ITGBL1: variants seen among roughly 807,000 people sequenced by gnomAD.
ITGBL1 encodes the protein integrin beta-like protein 1.
A neutral mutation model predicts 68.5 loss-of-function variants in ITGBL1; 51 were observed. That is an observed-to-expected ratio of 0.74 (90% CI 0.59 to 0.94). The LOEUF is 0.94. Among genes scored for constraint, ITGBL1 ranks in the 40% least tolerant of loss-of-function variants. The probability of loss-of-function intolerance (pLI) is 0.00; values close to 1 mark genes in which losing one functional copy is unlikely to be tolerated. For missense variants in ITGBL1, 649 were observed against 647.4 expected, an observed-to-expected ratio of 1.00 and a Z score of -0.03; for synonymous variants, 209 against 227.3, an observed-to-expected ratio of 0.92 and a Z score of 0.72.
intron 7 of ITGBL1, among the ~76,000 whole-genome samples, chr13:101,628,514 C>T (rs1334410246): frequency 6.6e-6 from 1 of 151,502 alleles, no homozygotes; most frequent in Non-Finnish European, 1.5e-5. Context: ...CTCACTGCAA[C>T]CTCTGCCTCC....
intron 7 of ITGBL1, among the ~76,000 whole-genome samples, chr13:101,630,531 A>G (rs2031942682): frequency 6.6e-6 from 1 of 152,192 alleles, no homozygotes; most frequent in Non-Finnish European, 1.5e-5. Context: ...TACAAAATGT[A>G]TACTTCAATG....
At chr13:101,649,952 C>G (rs1230451268) in intron 7 of ITGBL1, among the ~76,000 whole-genome samples, 1 of 152,104 alleles carries the variant, frequency 6.6e-6, no homozygotes, top group East Asian at 1.9e-4. Flanking sequence ...CACATTCTTA[C>G]CACCTTGAGT....
Position 101,659,904 on chromosome 13 carries a change from A to T in ITGBL1, c.1016-32681A>T, listed in dbSNP as rs145078692. Among the ~76,000 whole-genome samples the T allele has an allele frequency of 1.9e-4, 29 of 152,324 alleles. No homozygotes were observed. The Middle Eastern group carries it at 0.014, about 71-fold the overall frequency. On this transcript the variant is annotated intron_variant, in intron 7 of 10. Transcript: ENST00000376180. ...TGCAACTCAGCCTCAGATGAGCTCAATCACTCACAGAATTAATTAAGGTAA... is the reference window on the plus strand; with the variant it reads ...TGCAACTCAGCCTCAGATGAGCTCATTCACTCACAGAATTAATTAAGGTAA...
intron 7 of ITGBL1, among the ~76,000 whole-genome samples, chr13:101,632,145 C>CTATATA (rs1398303688): frequency 6.7e-6 from 1 of 149,454 alleles, no homozygotes; most frequent in Admixed American, 6.6e-5. Context: ...CTCTCTCTCT[C>CTATATA]TCTCTATATA....
At chr13:101,705,060 C>T (rs1332908189) in intron 8 of ITGBL1, among the ~76,000 whole-genome samples, 3 of 151,958 alleles carry the variant, frequency 2.0e-5, no homozygotes, top group Admixed American at 2.0e-4. Flanking sequence ...TTTAGTAGTC[C>T]CCCATTCGTA....
At chr13:101,540,982 C>T (rs2049686718) in intron 2 of ITGBL1, among the ~76,000 whole-genome samples, 1 of 111,962 alleles carries the variant, frequency 8.9e-6, no homozygotes, top group South Asian at 3.4e-4. Context: ...TCTAGATATA[C>T]AATCACGTCA....
At chr13:101,604,944 ATGTG>A (rs2030641302) in intron 7 of ITGBL1, among the ~76,000 whole-genome samples, 1 of 4,766 alleles carries the variant, frequency 2.1e-4, no homozygotes, top group East Asian at 0.071. Context: ...GCATGTATAT[ATGTG>A]TACATGTGTA....
chr13:101,499,478 A>G (rs2048907277), intron 2 of ITGBL1, among the ~76,000 whole-genome samples: 1 of 152,172 alleles, frequency 6.6e-6, no homozygotes, highest in South Asian at 2.1e-4. Context: ...TTATATGGAG[A>G]AAGAAAATTG....
intron 2 of ITGBL1, among the ~76,000 whole-genome samples, chr13:101,522,015 AAG>A (rs947766909): frequency 1.3e-5 from 2 of 150,614 alleles, no homozygotes; most frequent in African/African-American, 2.5e-5. Context: ...GTGGGAGAGA[AAG>A]AGAGAGGGAG....
chr13:101,686,414 G>T (rs904221332), intron 7 of ITGBL1, among the ~76,000 whole-genome samples: 3 of 152,250 alleles, frequency 2.0e-5, no homozygotes, highest in Admixed American at 6.5e-5. Context: ...AGTGGGAGAA[G>T]GTGCTGTGGT....
Position 101,596,135 on chromosome 13 carries a change from A to G in ITGBL1, c.869-2018A>G, listed in dbSNP as rs545584261. Among the ~76,000 whole-genome samples the G allele has an allele frequency of 2.6e-5, 4 of 152,298 alleles. No individual in the cohort carries two copies. The East Asian group carries it at 7.7e-4, about 29-fold the overall frequency. ...TAAGAAGGAAATCCTTTCATTTGCC[A>G]CAACATGGATGAACCTGGAGGACAT... is the stretch of plus-strand genomic sequence containing the variant. On this transcript the variant is annotated intron_variant, in intron 6 of 10. Coordinates refer to ENST00000376180, the MANE Select transcript of ITGBL1 (RefSeq NM_004791.3).
At chr13:101,526,524 T>G (rs1244240768) in intron 2 of ITGBL1, among the ~76,000 whole-genome samples, 1 of 152,120 alleles carries the variant, frequency 6.6e-6, no homozygotes, top group Non-Finnish European at 1.5e-5. Context: ...TGAGTTCATG[T>G]CCTTTTCAGG....
chr13:101,507,150 A>G (rs530920836), intron 2 of ITGBL1, among the ~76,000 whole-genome samples: 3 of 152,116 alleles, frequency 2.0e-5, no homozygotes, highest in Non-Finnish European at 2.9e-5. Context: ...TTTCCTTGCA[A>G]CTTCATGAAA....
intron 6 of ITGBL1, among the ~76,000 whole-genome samples, chr13:101,587,043 T>A (rs1386352391): frequency 6.6e-6 from 1 of 152,176 alleles, no homozygotes; most frequent in Non-Finnish European, 1.5e-5. Flanking sequence ...TGAACTTTTA[T>A]TTTTAGCTCC....
At chr13:101,595,502 C>CAA (rs137872832) in intron 6 of ITGBL1, among the ~76,000 whole-genome samples, 6 of 151,450 alleles carry the variant, frequency 4.0e-5, no homozygotes, top group South Asian at 2.1e-4. Flanking sequence ...AACTCAATAG[C>CAA]AAAAAAAATC....
intron 2 of ITGBL1, among the ~76,000 whole-genome samples, chr13:101,531,796 G>A (rs546124105): frequency 4.7e-4 from 71 of 151,152 alleles, no homozygotes; most frequent in Non-Finnish European, 6.5e-4. Context: ...GCAGTGGTGC[G>A]ATCTTGACTC....
chr13:101,684,453 T>G (rs555874454), intron 7 of ITGBL1, among the ~76,000 whole-genome samples: 1 of 152,094 alleles, frequency 6.6e-6, no homozygotes, highest in East Asian at 1.9e-4. Flanking sequence ...TTTGGTATTT[T>G]AACAATATTG....
In ITGBL1 at chr13:101,452,722, T is replaced by TG; in HGVS notation, c.-109dup. On this transcript the variant is annotated 5_prime_UTR_variant, in exon 1 of 11. Coordinates refer to ENST00000376180, the MANE Select transcript of ITGBL1 (RefSeq NM_004791.3). The stretch of plus-strand genomic sequence containing the variant: ...CCGGACCTGCAAGCCTGGGTGTCCG[T>TG]GGGTCCGTCTGCCCAGCCATCTGCT... 1.2e-6 allele frequency: 1 copy of TG among 802,346 alleles called. No homozygotes were observed. The highest frequency in any genetic ancestry group is 2.2e-6 in the Non-Finnish European group (1 of 463,390). 49.7% of individuals were successfully genotyped at this position (802,346 alleles called of 1,614,324 possible). A position where few individuals can be genotyped will look rare whatever the true frequency, so the allele number is the denominator to read the frequency against.
chr13:101,644,562 A>G (rs2139437659), intron 7 of ITGBL1, among the ~76,000 whole-genome samples: 1 of 152,344 alleles, frequency 6.6e-6, no homozygotes, highest in East Asian at 1.9e-4. Flanking sequence ...ATTTTCATTG[A>G]AAAAAGTAAA....
Sources: allele counts gnomAD v4.1 joint callset (sites outside exome capture counted in the v4.1 genomes callset), GRCh38; gene constraint gnomAD v4.1.1; transcripts MANE v1.5; gene names NCBI Gene and HGNC (gene_info 2026-07-23, HGNC 2026-07-21).